PHF2: variants seen among roughly 807,000 people sequenced by gnomAD.
PHF2 encodes lysine-specific demethylase PHF2.
A neutral mutation model predicts 120.5 loss-of-function variants in PHF2; 27 were observed. The ratio of observed to expected loss-of-function variants is 0.22; its 90% CI spans 0.17 to 0.31. PHF2 has a LOEUF of 0.31. PHF2 is among the 10% of genes least tolerant of loss of function. The pLI, the probability that PHF2 is intolerant of heterozygous loss-of-function variation, is 1.00. For missense variants in PHF2, 1,024 were observed against 1,434.8 expected, an observed-to-expected ratio of 0.71 and a Z score of 4.63; for synonymous variants, 568 against 592.5, an observed-to-expected ratio of 0.96 and a Z score of 0.60.
chr9:93,605,375 G>A (rs1390743305), intron 1 of PHF2, among the ~76,000 whole-genome samples: 1 of 152,174 alleles, frequency 6.6e-6, no homozygotes, highest in African/African-American at 2.4e-5. Flanking sequence ...GAGCCACTGT[G>A]ACTGGCCTTC....
rs771454920 is a variant in PHF2, at chr9:93,630,015, C to T, written c.144C>T (p.Tyr48=). 2 of 1,613,876 alleles carry T rather than the reference C, an allele frequency of 1.2e-6. No individual in the cohort carries two copies. The highest frequency in any genetic ancestry group is 4.5e-5 in the East Asian group (2 of 44,878). Reference sequence around the variant, plus strand: ...AGGAGGCGCCCGACATCGACATATACCACTGCCCAAACTGTGAGAAAACCC... The same window carrying T: ...AGGAGGCGCCCGACATCGACATATATCACTGCCCAAACTGTGAGAAAACCC... ...EEEEAPDIDI[Y]HCPNCEKTHG... The change falls in exon 2 of 22, where the codon TAC becomes TAT. Residue 48 remains tyrosine (Y), a synonymous_variant. Transcript: ENST00000359246.
rs559654379 is a variant in PHF2, at chr9:93,611,615, A to G, written c.99-18355A>G. On this transcript the variant is annotated intron_variant, in intron 1 of 21. Coordinates refer to ENST00000359246, the MANE Select transcript of PHF2 (RefSeq NM_005392.4). ...AGCTTCGAACTCCTGGGCTCAAGCA[A>G]CCCTCCCACCTCAGCCTCCAGAGTA... 4.0e-5 allele frequency among the ~76,000 whole-genome samples: 6 copies of G among 151,480 alleles called. No homozygotes were observed. The South Asian group carries it at 8.4e-4, about 21-fold the overall frequency.
chr9:93,640,693 T>C (rs1293012178), intron 3 of PHF2, among the ~76,000 whole-genome samples: 1 of 152,242 alleles, frequency 6.6e-6, no homozygotes, highest in Non-Finnish European at 1.5e-5. Context: ...AAATCTGTGC[T>C]ATGTCTGAGT....
chr9:93,602,206 T>G (rs1170325679), intron 1 of PHF2, among the ~76,000 whole-genome samples: 2 of 151,840 alleles, frequency 1.3e-5, no homozygotes, highest in African/African-American at 4.8e-5. Flanking sequence ...AATTGTTCGT[T>G]GAGTTTTGCA....
intron 1 of PHF2, among the ~76,000 whole-genome samples, chr9:93,583,748 T>C (rs1862977330): frequency 6.6e-6 from 1 of 152,222 alleles, no homozygotes. Flanking sequence ...CACTTTTACA[T>C]TGGATTGCTT....
intron 17 of PHF2, among the ~76,000 whole-genome samples, chr9:93,670,422 A>G (rs888731445): frequency 2.0e-5 from 3 of 152,242 alleles, no homozygotes; most frequent in Non-Finnish European, 4.4e-5. Context: ...TCCTGGCTAC[A>G]TACAGCATCT....
In PHF2 at chr9:93,603,035, G is replaced by A. The variant is rs1411590942; in HGVS notation, c.98+26164G>A. ...ACTGGGAGGGGGGCGCGGAGGTGGG[G>A]GCCAAGAAATGTAGTGGGTGACCAG... On this transcript the variant is annotated intron_variant, in intron 1 of 21. Coordinates refer to ENST00000359246, the MANE Select transcript of PHF2 (RefSeq NM_005392.4). 3.3e-5 allele frequency among the ~76,000 whole-genome samples: 5 copies of A among 151,514 alleles called. No homozygotes were observed. The East Asian group carries it at 7.9e-4, about 24-fold the overall frequency.
intron 14 of PHF2, among the ~76,000 whole-genome samples, chr9:93,664,947 C>G (rs1826648059): frequency 6.6e-6 from 1 of 152,244 alleles, no homozygotes; most frequent in African/African-American, 2.4e-5. Context: ...TCCATTTGCT[C>G]AGAATTGGAG....
intron 16 of PHF2, 120 bp from the exon 17 acceptor site, chr9:93,666,960 A>T: frequency 1.9e-6 from 1 of 519,416 alleles, no homozygotes; most frequent in East Asian, 3.8e-5. Context: ...AAATAAAATA[A>T]ATAAAAATGT....
chr9:93,646,352 G>A (rs1364108077), intron 4 of PHF2, among the ~76,000 whole-genome samples: 1 of 152,250 alleles, frequency 6.6e-6, no homozygotes, highest in African/African-American at 2.4e-5. Context: ...CCGTTCAAGA[G>A]GCAGTGGCAG....
At chr9:93,594,035 G>A (rs1825283791) in intron 1 of PHF2, among the ~76,000 whole-genome samples, 1 of 152,172 alleles carries the variant, frequency 6.6e-6, no homozygotes, top group African/African-American at 2.4e-5. Context: ...AGATTTTATG[G>A]ACTGTGGGTT....
chr9:93,665,754 A>T lies in PHF2; in HGVS notation c.2006A>T (p.Lys669Met). The change falls in exon 15 of 22, where the codon AAG (lysine) becomes ATG (methionine). Residue 669 changes from lysine to methionine, a missense_variant. Coordinates refer to ENST00000359246, the MANE Select transcript of PHF2 (RefSeq NM_005392.4). Reference sequence around the variant, plus strand: ...GCCTTGCAGAACTTCAAGGAGGACAAGCCCAAGCCCGTGCGGGATGAGTAT... The same window carrying T: ...GCCTTGCAGAACTTCAAGGAGGACATGCCCAAGCCCGTGCGGGATGAGTAT... ...FGALQNFKED[K>M]PKPVRDEYEY... 6.2e-7 allele frequency: 1 copy of T among 1,614,126 alleles called. No homozygotes were observed. Among genetic ancestry groups the T allele is most frequent in the Non-Finnish European group, 8.5e-7 (1 of 1,180,036 alleles).
intron 3 of PHF2, among the ~76,000 whole-genome samples, chr9:93,640,481 C>G (rs1467117385): frequency 6.6e-6 from 1 of 152,056 alleles, no homozygotes; most frequent in African/African-American, 2.4e-5. Context: ...GTCTAGTCTA[C>G]TGATGAGCCC....
chr9:93,621,414 C>T (rs1825824181), intron 1 of PHF2, among the ~76,000 whole-genome samples: 1 of 152,264 alleles, frequency 6.6e-6, no homozygotes, highest in Non-Finnish European at 1.5e-5. Context: ...ACCAAGGCAG[C>T]TGTCCTGGCC....
intron 17 of PHF2, chr9:93,672,564 G>A: frequency 1.0e-6 from 1 of 984,832 alleles, no homozygotes; most frequent in Non-Finnish European, 1.2e-6. Flanking sequence ...GTAGATGCAG[G>A]TATGGGTGTA....
intron 1 of PHF2, among the ~76,000 whole-genome samples, chr9:93,582,167 G>T (rs1465123810): frequency 6.6e-6 from 1 of 152,188 alleles, no homozygotes; most frequent in African/African-American, 2.4e-5. Flanking sequence ...GTCACACACA[G>T]GTCTCTGGCT....
chr9:93,675,088 G>A, intron 19 of PHF2, 66 bp downstream of exon 19: 1 of 1,277,804 alleles, frequency 7.8e-7, no homozygotes, highest in Non-Finnish European at 1.1e-6. Context: ...CTTTGTCTGT[G>A]GTCCCTCCAG....
At chr9:93,619,234 C>T (rs1825783755) in intron 1 of PHF2, among the ~76,000 whole-genome samples, 1 of 152,124 alleles carries the variant, frequency 6.6e-6, no homozygotes, top group Non-Finnish European at 1.5e-5. Flanking sequence ...CTCCTGGCTC[C>T]TGGGAGGTCA....
At chr9:93,674,880 C>A in intron 18 of PHF2, 47 bp from the exon 19 acceptor site, 2 of 1,437,056 alleles carry the variant, frequency 1.4e-6, no homozygotes, top group Non-Finnish European at 2.0e-6. Flanking sequence ...CCTCCGTGGA[C>A]CTGCCCTGCA....
Sources: allele counts gnomAD v4.1 joint callset (sites outside exome capture counted in the v4.1 genomes callset), GRCh38; gene constraint gnomAD v4.1.1; transcripts MANE v1.5; gene names NCBI Gene and HGNC (gene_info 2026-07-23, HGNC 2026-07-21).